DOCK4: variants seen among roughly 807,000 people sequenced by gnomAD.
The protein encoded by DOCK4 is dedicator of cytokinesis 4, also known as dedicator of cytokinesis protein 4.
In DOCK4, 97 loss-of-function variants were observed where a neutral mutation model predicts 268.1. That is an observed-to-expected ratio of 0.36 (90% confidence interval 0.31 to 0.43). The LOEUF is 0.43. Among genes scored for constraint, DOCK4 ranks in the 20% least tolerant of loss-of-function variants. DOCK4 has a pLI of 1.00. For synonymous variants in DOCK4, 954 were observed against 887.2 expected, an observed-to-expected ratio of 1.08 and a Z score of -1.34; for missense variants, 2,145 against 2,455.7, an observed-to-expected ratio of 0.87 and a Z score of 2.67.
At chr7:111,858,276 A>G (rs1351421818) in intron 23 of DOCK4, among the ~76,000 whole-genome samples, 1 of 152,156 alleles carries the variant, frequency 6.6e-6, no homozygotes, top group Non-Finnish European at 1.5e-5. Flanking sequence ...TTCTGCAGCC[A>G]TGCTTCTTCC....
At chr7:112,125,380 T>C (rs569517644) in intron 1 of DOCK4, among the ~76,000 whole-genome samples, 2 of 152,350 alleles carry the variant, frequency 1.3e-5, no homozygotes, top group South Asian at 4.1e-4. Flanking sequence ...CAAGGTCATT[T>C]TGTTTGTGTG....
chr7:112,178,885 C>T (rs577980453), intron 1 of DOCK4, among the ~76,000 whole-genome samples: 3 of 152,146 alleles, frequency 2.0e-5, no homozygotes, highest in Admixed American at 1.3e-4. Context: ...AGGTTTTGTA[C>T]GTATCCTCAT....
intron 1 of DOCK4, among the ~76,000 whole-genome samples, chr7:112,130,907 T>G (rs1465658578): frequency 6.6e-6 from 1 of 152,252 alleles, no homozygotes; most frequent in Non-Finnish European, 1.5e-5. Context: ...AGAGTCTTTA[T>G]TTTATGTCAA....
At chr7:111,895,888 C>T (rs1808706940) in intron 15 of DOCK4, among the ~76,000 whole-genome samples, 170 bp from the exon 16 acceptor site, 1 of 152,154 alleles carries the variant, frequency 6.6e-6, no homozygotes, top group Admixed American at 6.6e-5. Flanking sequence ...CCTCTAATCC[C>T]CTCTTCCTGC....
At chr7:111,882,199 T>C (rs1316620609) in intron 16 of DOCK4, among the ~76,000 whole-genome samples, 1 of 152,126 alleles carries the variant, frequency 6.6e-6, no homozygotes, top group African/African-American at 2.4e-5. Context: ...ATAAATATAA[T>C]CACCTACTAT....
At chr7:112,118,214 T>C (rs1812360642) in intron 1 of DOCK4, among the ~76,000 whole-genome samples, 1 of 151,876 alleles carries the variant, frequency 6.6e-6, no homozygotes, top group Non-Finnish European at 1.5e-5. Context: ...AACAGAACCA[T>C]GGAGACAAGA....
intron 1 of DOCK4, among the ~76,000 whole-genome samples, chr7:112,055,674 G>C (rs998318256): frequency 1.2e-4 from 19 of 152,292 alleles, no homozygotes; most frequent in South Asian, 4.1e-4. Flanking sequence ...CTGGGAGGCT[G>C]AGGTGGGCAG....
At chr7:111,935,782 G>A (rs1208437485) in intron 11 of DOCK4, among the ~76,000 whole-genome samples, 154 bp from the exon 12 acceptor site, 1 of 152,180 alleles carries the variant, frequency 6.6e-6, no homozygotes. Context: ...TTTTAGCATG[G>A]TTGTCCCAGG....
At chr7:111,901,577 TTAAC>T (rs1052532457) in intron 14 of DOCK4, 96 bp downstream of exon 14, 46 of 1,219,456 alleles carry the variant, frequency 3.8e-5, no homozygotes, top group South Asian at 8.3e-5. Flanking sequence ...AAATCAGAAA[TTAAC>T]TGATCGTAAA....
At chr7:111,976,104 G>C (rs1300325365) in intron 8 of DOCK4, among the ~76,000 whole-genome samples, 1 of 122,290 alleles carries the variant, frequency 8.2e-6, no homozygotes, top group Admixed American at 9.4e-5. Flanking sequence ...CCACACCACT[G>C]CACTCCAGCC....
Position 111,735,028 on chromosome 7 carries a change from ATCAT to A in DOCK4, c.5419+22_5419+25del, listed in dbSNP as rs763763027. ...CAATAAAAGTTATTTTATAAAAGTG[ATCAT>A]TCAAATTCTTCAAATACCCACCAGT... On this transcript the variant is annotated intron_variant, in intron 51 of 52. Coordinates refer to ENST00000428084, the MANE Select transcript of DOCK4 (RefSeq NM_001363540.2). 1.5e-5 allele frequency: 22 copies of A among 1,501,746 alleles called. 1 individual carries two copies. In the Middle Eastern group the frequency reaches 1.0e-3, roughly 69 times the overall value. The allele number at this position is 1,501,746 out of a possible 1,614,324, so 93.0% of individuals were successfully genotyped here.
chr7:111,996,095 C>T (rs1050183773), intron 4 of DOCK4, among the ~76,000 whole-genome samples: 4 of 152,174 alleles, frequency 2.6e-5, no homozygotes. Flanking sequence ...GGAAACCTGA[C>T]ATACTACTTA....
chr7:111,908,217 G>C (rs567592115), intron 13 of DOCK4, among the ~76,000 whole-genome samples: 1 of 152,234 alleles, frequency 6.6e-6, no homozygotes, highest in Admixed American at 6.5e-5. Context: ...GGGAGGCTGA[G>C]GCAGGCAGAT....
intron 27 of DOCK4, among the ~76,000 whole-genome samples, chr7:111,816,720 G>A (rs1261708543): frequency 1.3e-5 from 2 of 152,140 alleles, no homozygotes; most frequent in Admixed American, 1.3e-4. Context: ...AATGACTGTG[G>A]CCTCATGAGT....
intron 1 of DOCK4, among the ~76,000 whole-genome samples, chr7:112,112,235 G>A (rs142068484): frequency 6.6e-6 from 1 of 152,106 alleles, no homozygotes; most frequent in Non-Finnish European, 1.5e-5. Context: ...TATGAGAACT[G>A]GTTGATCAAA....
At chr7:112,176,509 T>C (rs906526211) in intron 1 of DOCK4, among the ~76,000 whole-genome samples, 1 of 152,182 alleles carries the variant, frequency 6.6e-6, no homozygotes, top group Non-Finnish European at 1.5e-5. Context: ...CAATATAAAA[T>C]TTTTAGTGGC....
chr7:111,919,037 G>C (rs1040308427), intron 12 of DOCK4, among the ~76,000 whole-genome samples: 1 of 152,048 alleles, frequency 6.6e-6, no homozygotes, highest in African/African-American at 2.4e-5. Context: ...AAGTTGGAGA[G>C]AGAAAAACTG....
intron 1 of DOCK4, among the ~76,000 whole-genome samples, chr7:112,146,392 G>C (rs957233188): frequency 3.3e-5 from 5 of 152,132 alleles, no homozygotes; most frequent in Admixed American, 2.6e-4. Flanking sequence ...AAATAAAATA[G>C]AGGAATTTCA....
intron 42 of DOCK4, among the ~76,000 whole-genome samples, chr7:111,752,234 G>C (rs946335706): frequency 6.6e-6 from 1 of 152,146 alleles, no homozygotes; most frequent in African/African-American, 2.4e-5. Context: ...GGTAAGTCAG[G>C]CTCATTATAT....
Sources: gnomAD v4.1 joint callset for allele counts (sites outside exome capture counted in the v4.1 genomes callset) on GRCh38, gnomAD v4.1.1 for gene constraint, MANE v1.5 for transcripts, NCBI Gene and HGNC (gene_info 2026-07-23, HGNC 2026-07-21) for gene names.